Variants in ARPIN observed in about 807,000 individuals in gnomAD.
ARPIN encodes actin related protein 2/3 complex inhibitor.
ARPIN carries 23 observed loss-of-function variants against 25.9 expected under a neutral mutation model. The observed-to-expected ratio is 0.89, with a 90% CI of 0.64 to 1.26. The LOEUF (loss-of-function observed/expected upper bound fraction) is 1.26. ARPIN is among the 50% of genes most tolerant of loss of function. The pLI, the probability that ARPIN is intolerant of heterozygous loss-of-function variation, is 0.00. For missense variants in ARPIN, 333 were observed against 312.2 expected (o/e 1.07, Z -0.50); for synonymous variants, 126 against 131.4 (o/e 0.96, Z 0.28).
intron 4 of ARPIN, 27 bp downstream of exon 4, chr15:89,903,750 G>C (rs1897066184): frequency 6.2e-7 from 1 of 1,612,502 alleles, no homozygotes; most frequent in Admixed American, 1.7e-5. Context: ...AGGAACAGTG[G>C]GCCACAGTGA....
In ARPIN at chr15:89,908,270, G is replaced by C. The variant is rs200008662; in HGVS notation, c.301+10C>G. ...CCCTGAGGGAGAGAGGGAGGGCAGA[G>C]GATACCTACTGTAGGACGACATGAG... On this transcript the variant is annotated intron_variant, in intron 3 of 5. Coordinates refer to ENST00000357484, the MANE Select transcript of ARPIN (RefSeq NM_182616.4). The C allele has an allele frequency of 6.2e-7, 1 of 1,614,092 alleles. No individual in the cohort carries two copies. Among genetic ancestry groups the C allele is most frequent in the East Asian group, 2.2e-5 (1 of 44,882 alleles).
At position 89,903,280 on chromosome 15, in the gene ARPIN, T is replaced by G; in HGVS notation, c.608A>C (p.Lys203Thr). The G allele has an allele frequency of 6.2e-7, 1 of 1,614,198 alleles. No homozygotes were observed. Residue 203 changes from lysine to threonine, a missense_variant, in exon 5 of 6, where the codon AAG becomes ACG. Transcript: ENST00000357484. ...ASWTDNIMAQ[K>T]CSKGAAAEIR... is the part of the protein sequence containing the mutation. ...CTCCGCTGCAGCCCCCTTCGAACAC[T>G]TTTGGGCCATGATGTTGTCTGTCCA...
In ARPIN at chr15:89,912,760, G is replaced by A. The variant is rs1408667708; in HGVS notation, c.76C>T (p.Pro26Ser). Residue 26 changes from proline to serine, a missense_variant, in exon 1 of 6, where the codon CCC becomes TCC. By Grantham distance (74) the Pro-to-Ser change is moderately conservative. Coordinates refer to ENST00000357484, the MANE Select transcript of ARPIN (RefSeq NM_182616.4). The part of the protein sequence containing the change: ...QSVRLPGAWD[P>S]AAHQGGNGVL... ...CAGGCCTACCCCTGGTGGGCGGCGG[G>A]GTCCCAGGCCCCTGGCAGCCGGACG... 6.7e-7 allele frequency: 1 copy of A among 1,487,838 alleles called. No homozygotes were observed. The highest frequency in any genetic ancestry group is 8.9e-7 in the Non-Finnish European group (1 of 1,123,640). The allele number at this position is 1,487,838 out of a possible 1,614,324, so 92.2% of individuals were successfully genotyped here.
intron 2 of ARPIN, 56 bp from the exon 3 acceptor site, chr15:89,908,468 T>A (rs1249146568): frequency 1.3e-6 from 2 of 1,598,390 alleles, no homozygotes; most frequent in Non-Finnish European, 1.7e-6. Context: ...ACACACACAC[T>A]CTGGGCTCCG....
intron 2 of ARPIN, among the ~76,000 whole-genome samples, chr15:89,910,116 C>T (rs1897196782): frequency 6.6e-6 from 1 of 152,124 alleles, no homozygotes; most frequent in Non-Finnish European, 1.5e-5. Context: ...CTGAGCTGTT[C>T]TCATGGGGTA....
chr15:89,898,895 T>G lies in ARPIN; in HGVS notation c.*2900A>C, dbSNP rs1172292954. 4 of 152,188 alleles carry G rather than the reference T, an allele frequency of 2.6e-5. No individual in the cohort carries two copies. Among genetic ancestry groups the G allele is most frequent in the African/African-American group, 4.8e-5 (2 of 41,444 alleles). 9.4% of individuals were successfully genotyped at this position (152,188 alleles called of 1,614,324 possible). A position where few individuals can be genotyped will look rare whatever the true frequency, so the allele number is the denominator to read the frequency against. ...GGAAGGCTTCTGCCCTGGCTGGGCC[T>G]GCCCTAATGCCTGAACCAGTCCTGA... On this transcript the variant is annotated 3_prime_UTR_variant, in exon 6 of 6. Coordinates refer to ENST00000357484, the MANE Select transcript of ARPIN (RefSeq NM_182616.4).
chr15:89,910,819 C>T lies in ARPIN; in HGVS notation c.93G>A (p.Gly31=). The T allele has an allele frequency of 1.2e-6, 2 of 1,614,046 alleles. No individual in the cohort carries two copies. The highest frequency in any genetic ancestry group is 2.7e-5 in the African/African-American group (2 of 75,012). The change falls in exon 2 of 6, where the codon GGG becomes GGA. Residue 31 remains glycine, a splice_region_variant and synonymous_variant. Transcript: ENST00000357484. ...PGAWDPAAHQ[G]GNGVLLEGEL... is the part of the protein sequence containing the mutation. ...CTCCCTCCAGCAGGACACCATTTCC[C>T]CTGGGGATGAAAGGGAAAGAAAGGA...
intron 2 of ARPIN, 84 bp from the exon 3 acceptor site, chr15:89,908,496 C>A: frequency 6.3e-7 from 1 of 1,578,780 alleles, no homozygotes; most frequent in Non-Finnish European, 8.6e-7. Context: ...CCCCGCCAAC[C>A]TCACATCTAC....
chr15:89,901,886 C>T, intron 5 of ARPIN, 83 bp from the exon 6 acceptor site: 3 of 1,536,124 alleles, frequency 2.0e-6, no homozygotes, highest in East Asian at 2.3e-5. Context: ...AACAAGGGTT[C>T]AATTGCGTGG....
chr15:89,895,891 G>A lies in ARPIN; in HGVS notation c.*5904C>T, dbSNP rs903700181. On this transcript the variant is annotated 3_prime_UTR_variant, in exon 6 of 6. Coordinates refer to ENST00000357484, the MANE Select transcript of ARPIN (RefSeq NM_182616.4). ...GCCTAGTCCAGTTTTTTGTTTGTTTGTTTGTTTGTTTGTTTGAGATGGAGT... is the reference window on the plus strand; with the variant it reads ...GCCTAGTCCAGTTTTTTGTTTGTTTATTTGTTTGTTTGTTTGAGATGGAGT... The A allele has an allele frequency of 6.6e-6, 1 of 152,170 alleles. No individual in the cohort carries two copies. The highest frequency in any genetic ancestry group is 1.9e-4 in the East Asian group (1 of 5,140). The allele number at this position is 152,170 out of a possible 1,614,324, so 9.4% of individuals were successfully genotyped here. A position where few individuals can be genotyped will look rare whatever the true frequency, so the allele number is the denominator to read the frequency against.
Position 89,903,891 on chromosome 15 carries a change from G to C in ARPIN, c.394C>G (p.Leu132Val), listed in dbSNP as rs1897070547. Residue 132 changes from leucine to valine, a missense_variant, in exon 4 of 6, where the codon CTC (leucine) becomes GTC (valine). By Grantham distance (32) the Leu-to-Val change is conservative. Transcript: ENST00000357484. ...AACGCCACTGTGTGGTCGGGGGTGA[G>C]GCTCTCTGTCAGCGCGAGCAGCTCT... is the stretch of plus-strand genomic sequence containing the variant. Reference protein sequence around the residue: ...KPELLALTESLTPDHTVAFWM... With the variant: ...KPELLALTESVTPDHTVAFWM... The C allele has an allele frequency of 6.2e-7, 1 of 1,613,928 alleles. No homozygotes were observed. The highest frequency in any genetic ancestry group is 1.3e-5 in the African/African-American group (1 of 75,064).
Position 89,903,314 on chromosome 15 carries a change from C to G in ARPIN, c.574G>C (p.Gly192Arg). ...KCNFTGDGKT[G>R]ASWTDNIMAQ... ...ATGATGTTGTCTGTCCAGGATGCCC[C>G]TGTCTTTCCATCACCAGTGAAATTA... The change falls in exon 5 of 6, where the codon GGG becomes CGG. Residue 192 changes from glycine (G) to arginine (R), a missense_variant. Physicochemically the swap from Gly to Arg is moderately radical, Grantham distance 125. Coordinates refer to ENST00000357484, the MANE Select transcript of ARPIN (RefSeq NM_182616.4). 1 of 1,614,190 alleles carries G rather than the reference C, an allele frequency of 6.2e-7. No homozygotes were observed. Among genetic ancestry groups the G allele is most frequent in the Non-Finnish European group, 8.5e-7 (1 of 1,180,036 alleles).
At chr15:89,912,275 C>G (rs1428786463) in intron 1 of ARPIN, 1 of 993,510 alleles carries the variant, frequency 1.0e-6, no homozygotes, top group East Asian at 1.1e-4. Context: ...CCTGTGACGA[C>G]AGGGCCTGGC....
chr15:89,912,432 G>C, intron 1 of ARPIN: 1 of 1,185,980 alleles, frequency 8.4e-7, no homozygotes, highest in Non-Finnish European at 1.0e-6. Context: ...ATAGTTACGC[G>C]GGTGGGGTGG....
chr15:89,904,063 G>A (rs1339590260), intron 3 of ARPIN, 80 bp from the exon 4 acceptor site: 6 of 1,486,016 alleles, frequency 4.0e-6, no homozygotes, highest in Non-Finnish European at 5.4e-6. Flanking sequence ...GCCAGGTGAG[G>A]GCTGAGTGTT....
At chr15:89,907,092 G>A (rs1050540938) in intron 3 of ARPIN, among the ~76,000 whole-genome samples, 3 of 147,238 alleles carry the variant, frequency 2.0e-5, no homozygotes, top group South Asian at 2.1e-4. Context: ...TTTTTGAAAC[G>A]GAGTCTCACT....
At chr15:89,903,748 T>A in intron 4 of ARPIN, 29 bp downstream of exon 4, 1 of 1,612,178 alleles carries the variant, frequency 6.2e-7, no homozygotes, top group South Asian at 1.1e-5. Flanking sequence ...ACAGGAACAG[T>A]GGGCCACAGT....
chr15:89,910,463 T>TGGGGTTTA (rs1897203473), intron 2 of ARPIN, among the ~76,000 whole-genome samples: 1 of 152,168 alleles, frequency 6.6e-6, no homozygotes, highest in Non-Finnish European at 1.5e-5. Flanking sequence ...CAGGCAAGAC[T>TGGGGTTTA]GGGGTTTAGG....
chr15:89,900,162 T>A lies in ARPIN; in HGVS notation c.*1633A>T, dbSNP rs1172870095. 1 of 152,330 alleles carries A rather than the reference T, an allele frequency of 6.6e-6. No homozygotes were observed. The highest frequency in any genetic ancestry group is 2.4e-5 in the African/African-American group (1 of 41,450). 9.4% of individuals were successfully genotyped at this position (152,330 alleles called of 1,614,324 possible). A position where few individuals can be genotyped will look rare whatever the true frequency, so the allele number is the denominator to read the frequency against. On this transcript the variant is annotated 3_prime_UTR_variant, in exon 6 of 6. Transcript: ENST00000357484. Reference sequence around the variant, plus strand: ...CACCCCCATGGCTGAGGTCCCAGCATGGCCTGCCTGTGAGAAAGTCCCATT... The same window carrying A: ...CACCCCCATGGCTGAGGTCCCAGCAAGGCCTGCCTGTGAGAAAGTCCCATT...
Sources: gnomAD v4.1 joint callset for allele counts (sites outside exome capture counted in the v4.1 genomes callset) on GRCh38, gnomAD v4.1.1 for gene constraint, MANE v1.5 for transcripts, NCBI Gene and HGNC (gene_info 2026-07-23, HGNC 2026-07-21) for gene names.